Variants in CCDC178 observed in about 807,000 individuals in gnomAD.
CCDC178 encodes coiled-coil domain containing 178, also known as coiled-coil domain-containing protein 178.
In CCDC178, 126 loss-of-function variants were observed where a neutral mutation model predicts 117.4. That is an observed-to-expected ratio of 1.07 (90% CI 0.93 to 1.24). The LOEUF (loss-of-function observed/expected upper bound fraction) is 1.24. Ranked by LOEUF, CCDC178 falls within the 50% of genes most tolerant of loss-of-function variation. The probability of loss-of-function intolerance (pLI) is 0.00; values close to 1 mark genes in which losing one functional copy is unlikely to be tolerated. For missense variants in CCDC178, 1,030 were observed against 986.9 expected (o/e 1.04, Z -0.59); for synonymous variants, 283 against 313.4 (o/e 0.90, Z 1.02).
chr18:33,089,478 A>G (rs2057430141), intron 21 of CCDC178, among the ~76,000 whole-genome samples: 1 of 152,174 alleles, frequency 6.6e-6, no homozygotes, highest in African/African-American at 2.4e-5. Context: ...TATAGCACAA[A>G]TACTTTGTCC....
chr18:33,070,589 A>G (rs1426212028), intron 21 of CCDC178, among the ~76,000 whole-genome samples: 2 of 152,086 alleles, frequency 1.3e-5, no homozygotes, highest in Non-Finnish European at 2.9e-5. Context: ...ACTAGGTCCT[A>G]TAGTTTGATA....
intron 22 of CCDC178, among the ~76,000 whole-genome samples, chr18:32,961,575 C>T (rs1055657606): frequency 7.9e-5 from 12 of 152,176 alleles, no homozygotes; most frequent in South Asian, 4.1e-4. Flanking sequence ...GGGCCGGTTT[C>T]GTGGAAGACA....
chr18:32,953,025 G>T (rs759862696), intron 22 of CCDC178, among the ~76,000 whole-genome samples: 52 of 152,130 alleles, frequency 3.4e-4, no homozygotes, highest in Middle Eastern at 3.4e-3. Context: ...GCCTGCCTCG[G>T]CCTCCCAAAG....
chr18:33,150,589 A>G (rs554183747), intron 20 of CCDC178, among the ~76,000 whole-genome samples: 1 of 152,338 alleles, frequency 6.6e-6, no homozygotes, highest in East Asian at 1.9e-4. Flanking sequence ...TATCAAAAGA[A>G]GATATGCAAA....
At chr18:33,139,592 T>C (rs940154482) in intron 20 of CCDC178, among the ~76,000 whole-genome samples, 7 of 152,144 alleles carry the variant, frequency 4.6e-5, no homozygotes, top group Admixed American at 3.9e-4. Flanking sequence ...CCCTAGAGAT[T>C]TGTGGAACTT....
rs181439787 is a variant in CCDC178 at position 33,240,414 on chromosome 18, C to G, written c.1593+4831G>C. On this transcript the variant is annotated intron_variant, in intron 15 of 22. Coordinates refer to ENST00000383096, the MANE Select transcript of CCDC178 (RefSeq NM_001105528.4). ...TGAAACTGAGACTAAAAATACAGTA[C>G]AAAAATCAATGGAACAAAAAGTCGA... is the stretch of plus-strand genomic sequence containing the variant. Among the ~76,000 whole-genome samples the G allele has an allele frequency of 1.6e-3, 239 of 150,502 alleles. 1 individual carries two copies. The highest frequency in any genetic ancestry group is 5.7e-3 in the African/African-American group (236 of 41,082).
At chr18:33,247,093 TGAGA>T (rs1555670794) in intron 14 of CCDC178, among the ~76,000 whole-genome samples, 68 of 148,204 alleles carry the variant, frequency 4.6e-4, no homozygotes, top group African/African-American at 1.6e-3. Flanking sequence ...TGTGTGTGTG[TGAGA>T]GAGAGAGAGA....
At chr18:33,358,624 A>G (rs900144545) in intron 6 of CCDC178, among the ~76,000 whole-genome samples, 1 of 151,956 alleles carries the variant, frequency 6.6e-6, no homozygotes, top group African/African-American at 2.4e-5. Context: ...TATGCAAAAA[A>G]GAAATCAATT....
At chr18:33,419,626 A>G (rs1297446430) in intron 2 of CCDC178, among the ~76,000 whole-genome samples, 2 of 152,204 alleles carry the variant, frequency 1.3e-5, no homozygotes, top group Non-Finnish European at 2.9e-5. Flanking sequence ...AAGTGGGCAA[A>G]CGACATGTAG....
At chr18:33,404,672 G>A (rs1490468040) in intron 3 of CCDC178, among the ~76,000 whole-genome samples, 1 of 151,984 alleles carries the variant, frequency 6.6e-6, no homozygotes, top group Non-Finnish European at 1.5e-5. Flanking sequence ...ATTCATAGCA[G>A]CATTATTCAT....
chr18:33,060,779 T>C (rs1386375895), intron 21 of CCDC178, among the ~76,000 whole-genome samples: 1 of 152,104 alleles, frequency 6.6e-6, no homozygotes, highest in Non-Finnish European at 1.5e-5. Context: ...AAAAATGGAA[T>C]ATTTCTCTCA....
intron 12 of CCDC178, among the ~76,000 whole-genome samples, chr18:33,291,350 A>G (rs1187875867): frequency 6.6e-6 from 1 of 152,158 alleles, no homozygotes; most frequent in Non-Finnish European, 1.5e-5. Context: ...TATCCATGAT[A>G]TATAAATTCT....
chr18:33,384,437 G>C (rs1164207144), intron 5 of CCDC178, among the ~76,000 whole-genome samples: 1 of 151,980 alleles, frequency 6.6e-6, no homozygotes, highest in African/African-American at 2.4e-5. Context: ...CAAAATCAAG[G>C]AAAAAATGTT....
Position 33,323,564 on chromosome 18 carries a change from A to G in CCDC178, c.949T>C (p.Leu317=), listed in dbSNP as rs200654427. ...EALEACENAR[L]KAQQIKEEID... is the part of the protein sequence containing the mutation. ...TCTTCTTTAATTTGCTGAGCCTTCA[A>G]TCTGGCATTTTCACAGGCTTCTAAA... Residue 317 remains leucine, a synonymous_variant, in exon 11 of 23, where the codon TTG becomes CTG. Transcript: ENST00000383096. 1.9e-6 allele frequency: 3 copies of G among 1,575,938 alleles called. No individual in the cohort carries two copies. Among genetic ancestry groups the G allele is most frequent in the East Asian group, 4.6e-5 (2 of 43,042 alleles).
chr18:33,188,547 T>A (rs1363736757), intron 20 of CCDC178, among the ~76,000 whole-genome samples: 1 of 146,846 alleles, frequency 6.8e-6, no homozygotes, highest in Admixed American at 6.7e-5. Context: ...AAGAATTAGA[T>A]CCACCTGCTG....
chr18:33,017,778 T>G (rs570357001), intron 21 of CCDC178, among the ~76,000 whole-genome samples: 1 of 151,954 alleles, frequency 6.6e-6, no homozygotes, highest in Admixed American at 6.6e-5. Flanking sequence ...TCCAGAAATA[T>G]GCATAGAAAA....
intron 21 of CCDC178, among the ~76,000 whole-genome samples, chr18:32,989,382 G>A (rs990252230): frequency 2.6e-5 from 4 of 152,130 alleles, no homozygotes; most frequent in African/African-American, 9.7e-5. Context: ...TTATTGGATG[G>A]AGAAGATGCA....
chr18:33,316,629 G>C (rs2062422810), intron 11 of CCDC178, among the ~76,000 whole-genome samples: 1 of 152,170 alleles, frequency 6.6e-6, no homozygotes, highest in African/African-American at 2.4e-5. Context: ...CCTGAGTCTA[G>C]TGGGGACTTA....
intron 21 of CCDC178, among the ~76,000 whole-genome samples, chr18:33,005,123 CGAAA>C (rs1297674350): frequency 6.6e-5 from 10 of 151,928 alleles, no homozygotes; most frequent in African/African-American, 1.9e-4. Context: ...GATATATACC[CGAAA>C]GAAAGAAAGT....
Sources: gnomAD v4.1 joint callset for allele counts (sites outside exome capture counted in the v4.1 genomes callset) on GRCh38, gnomAD v4.1.1 for gene constraint, MANE v1.5 for transcripts, NCBI Gene and HGNC (gene_info 2026-07-23, HGNC 2026-07-21) for gene names.